Variants in RAB3IP observed in about 807,000 individuals in gnomAD.
The protein encoded by RAB3IP is rab-3A-interacting protein.
RAB3IP carries 36 observed loss-of-function variants against 59.1 expected under a neutral mutation model. The observed-to-expected ratio is 0.61, with a 90% CI of 0.47 to 0.80. The LOEUF is 0.80. Among genes scored for constraint, RAB3IP ranks in the 30% least tolerant of loss-of-function variants. The pLI, the probability that RAB3IP is intolerant of heterozygous loss-of-function variation, is 0.00. For missense variants in RAB3IP, 511 were observed against 536.0 expected (o/e 0.95, Z 0.46); for synonymous variants, 207 against 191.2 (o/e 1.08, Z -0.68).
At chr12:69,747,319 T>C (rs558320670) in intron 1 of RAB3IP, among the ~76,000 whole-genome samples, 2 of 144,568 alleles carry the variant, frequency 1.4e-5, no homozygotes, top group South Asian at 4.5e-4. Context: ...TGTGTGTGTG[T>C]GTGTGTGTGT....
In RAB3IP at chr12:69,823,106, C is replaced by T. The variant is rs187716210; in HGVS notation, c.*7660C>T. 1 of 152,178 alleles carries T rather than the reference C, an allele frequency of 6.6e-6. No homozygotes were observed. The highest frequency in any genetic ancestry group is 1.5e-5 in the Non-Finnish European group (1 of 68,006). The allele number at this position is 152,178 out of a possible 1,614,324, so 9.4% of individuals were successfully genotyped here. A position where few individuals can be genotyped will look rare whatever the true frequency, so the allele number is the denominator to read the frequency against. ...GCTAATTACCCTGATCTGATCACTACACATTATATGTATGGAAATATCATT... is the reference window on the plus strand; with the variant it reads ...GCTAATTACCCTGATCTGATCACTATACATTATATGTATGGAAATATCATT... On this transcript the variant is annotated 3_prime_UTR_variant, in exon 11 of 11. Transcript: ENST00000247833.
rs76525964 is a variant in RAB3IP, at chr12:69,742,423, A to G, written c.-26+3392A>G. On this transcript the variant is annotated intron_variant, in intron 1 of 10. Transcript: ENST00000247833. ...TGTACCAGATGGTACTCTTTTTAAA[A>G]ATTTTATGCTTTTATAATACTGAGT... 1.1e-3 allele frequency among the ~76,000 whole-genome samples: 172 copies of G among 152,226 alleles called. 1 individual carries two copies. In the East Asian group the frequency reaches 0.019, roughly 17 times the overall value.
Position 69,815,880 on chromosome 12 carries a change from C to G in RAB3IP, c.*434C>G, listed in dbSNP as rs1190167668. The G allele has an allele frequency of 6.5e-6, 1 of 152,784 alleles. No individual in the cohort carries two copies. Among genetic ancestry groups the G allele is most frequent in the African/African-American group, 2.4e-5 (1 of 41,450 alleles). The allele number at this position is 152,784 out of a possible 1,614,324, so 9.5% of individuals were successfully genotyped here. On this transcript the variant is annotated 3_prime_UTR_variant, in exon 11 of 11. Transcript: ENST00000247833. The stretch of plus-strand genomic sequence containing the variant: ...TACTCACTTTCCAAGGCCCCCACCT[C>G]TAGAATGGCTTTATTTTTATCTGTT...
At position 69,820,407 on chromosome 12, in the gene RAB3IP, ACTC is replaced by A. The variant is rs1221857840; in HGVS notation, c.*4964_*4966del. ...CAAGCTATTATCATCTTTCACCTGA[ACTC>A]CTGCACTAATGTCTGCTGTCCTTGC... is the stretch of plus-strand genomic sequence containing the variant. On this transcript the variant is annotated 3_prime_UTR_variant, in exon 11 of 11. Transcript: ENST00000247833. 2.0e-5 allele frequency: 3 copies of A among 151,536 alleles called. No homozygotes were observed. The highest frequency in any genetic ancestry group is 2.9e-5 in the Non-Finnish European group (2 of 67,928). 9.4% of individuals were successfully genotyped at this position (151,536 alleles called of 1,614,324 possible).
intron 4 of RAB3IP, among the ~76,000 whole-genome samples, chr12:69,790,205 G>T (rs1416625522): frequency 6.6e-6 from 1 of 152,110 alleles, no homozygotes; most frequent in Non-Finnish European, 1.5e-5. Context: ...ACTAATAAAT[G>T]AATTTGATAG....
chr12:69,809,887 C>T (rs1055383965), intron 8 of RAB3IP, among the ~76,000 whole-genome samples: 1 of 152,156 alleles, frequency 6.6e-6, no homozygotes, highest in Non-Finnish European at 1.5e-5. Flanking sequence ...TGAAGCCTTT[C>T]TCTCTCAACT....
chr12:69,770,788 T>TAC (rs555619794), intron 3 of RAB3IP, among the ~76,000 whole-genome samples: 2 of 152,284 alleles, frequency 1.3e-5, no homozygotes, highest in East Asian at 1.9e-4. Context: ...TATACATATA[T>TAC]ACACACACAC....
rs1157645572 is a variant in RAB3IP at position 69,755,468 on chromosome 12, G to A, written c.60G>A (p.Pro20=). The A allele has an allele frequency of 6.8e-6, 11 of 1,613,880 alleles. No homozygotes were observed. In the East Asian group the frequency reaches 2.2e-4, roughly 33 times the overall value. The stretch of plus-strand genomic sequence containing the variant: ...TAAACCTTGCTTCACCTACTTCTCC[G>A]GACCTTCTTGGTGTGTATGAATCAG... The part of the protein sequence containing the change: ...HEVNLASPTS[P]DLLGVYESGT... The change falls in exon 2 of 11, where the codon CCG becomes CCA. Residue 20 remains proline (P), a synonymous_variant. Transcript: ENST00000247833.
At chr12:69,762,774 A>AAG (rs1871540283) in intron 3 of RAB3IP, among the ~76,000 whole-genome samples, 1 of 149,552 alleles carries the variant, frequency 6.7e-6, no homozygotes, top group Non-Finnish European at 1.5e-5. Flanking sequence ...AAAAAAAAAA[A>AAG]AAAAAGAAAA....
rs1886945190 is a variant in RAB3IP at position 69,738,891 on chromosome 12, G to C, written c.-166G>C. The stretch of plus-strand genomic sequence containing the variant: ...GCAGTCCCGCGTTCCCTCGGCGGCT[G>C]CCGGCGTAGTGAGCCCGCCGCCGTG... On this transcript the variant is annotated 5_prime_UTR_variant, in exon 1 of 11. Transcript: ENST00000247833. 6.6e-6 allele frequency: 1 copy of C among 152,064 alleles called. No homozygotes were observed. Among genetic ancestry groups the C allele is most frequent in the Admixed American group, 6.5e-5 (1 of 15,268 alleles). 9.4% of individuals were successfully genotyped at this position (152,064 alleles called of 1,614,324 possible).
Position 69,822,104 on chromosome 12 carries a change from A to G in RAB3IP, c.*6658A>G, listed in dbSNP as rs1881811220. The G allele has an allele frequency of 1.3e-5, 2 of 152,078 alleles. No individual in the cohort carries two copies. Among genetic ancestry groups the G allele is most frequent in the Non-Finnish European group, 2.9e-5 (2 of 68,038 alleles). 9.4% of individuals were successfully genotyped at this position (152,078 alleles called of 1,614,324 possible). A position where few individuals can be genotyped will look rare whatever the true frequency, so the allele number is the denominator to read the frequency against. On this transcript the variant is annotated 3_prime_UTR_variant, in exon 11 of 11. Transcript: ENST00000247833. Reference sequence around the variant, plus strand: ...ACTCATTTCCGGTGGTCTCCAGGAGACTTGGCTGGGAGCTTCTCTTGGAGT... The same window carrying G: ...ACTCATTTCCGGTGGTCTCCAGGAGGCTTGGCTGGGAGCTTCTCTTGGAGT...
chr12:69,807,479 TC>T lies in RAB3IP; in HGVS notation c.1131-5297del, dbSNP rs1248345922. On this transcript the variant is annotated intron_variant, in intron 8 of 10. Transcript: ENST00000247833. ...AGACAGGACGGCTGGGCAGAGGCGC[TC>T]CTCACTTCCCAGACGACGGGCGGCC... Among the ~76,000 whole-genome samples the T allele has an allele frequency of 6.0e-5, 8 of 133,800 alleles. No individual in the cohort carries two copies. The East Asian group carries it at 7.0e-4, about 12-fold the overall frequency. 87.8% of individuals were successfully genotyped at this position (133,800 alleles called of 152,430 possible).
At chr12:69,808,966 C>T (rs1406277384) in intron 8 of RAB3IP, among the ~76,000 whole-genome samples, 1 of 151,746 alleles carries the variant, frequency 6.6e-6, no homozygotes, top group South Asian at 2.1e-4. Context: ...TTATTTTGCT[C>T]ATTAGTTGAT....
At chr12:69,803,230 A>G (rs999358989) in intron 8 of RAB3IP, among the ~76,000 whole-genome samples, 5 of 152,182 alleles carry the variant, frequency 3.3e-5, no homozygotes, top group Non-Finnish European at 5.9e-5. Context: ...AACAGTTTAC[A>G]AAGTTTAAGG....
intron 3 of RAB3IP, among the ~76,000 whole-genome samples, chr12:69,769,427 G>A (rs1484193011): frequency 6.6e-6 from 1 of 152,184 alleles, no homozygotes; most frequent in African/African-American, 2.4e-5. Context: ...GTGAATCACA[G>A]AGGGAAGTTC....
At chr12:69,767,495 C>T (rs548334200) in intron 3 of RAB3IP, among the ~76,000 whole-genome samples, 4 of 152,370 alleles carry the variant, frequency 2.6e-5, no homozygotes, top group Non-Finnish European at 4.4e-5. Context: ...AGCACAAACA[C>T]CAGTGCTGAC....
At chr12:69,793,997 T>C (rs993079969) in intron 4 of RAB3IP, among the ~76,000 whole-genome samples, 10 of 152,230 alleles carry the variant, frequency 6.6e-5, no homozygotes, top group African/African-American at 1.7e-4. Context: ...CTCTAAGGCT[T>C]CTTAGCTGTC....
chr12:69,787,882 A>G (rs1875955553), intron 4 of RAB3IP, among the ~76,000 whole-genome samples: 1 of 152,170 alleles, frequency 6.6e-6, no homozygotes. Context: ...GTATTTATAA[A>G]TTATACACAC....
chr12:69,739,934 T>G, intron 1 of RAB3IP: 2 of 1,537,288 alleles, frequency 1.3e-6, no homozygotes, highest in Non-Finnish European at 1.8e-6. Context: ...CAATTTAGTT[T>G]CATGGAAATG....
Sources: gnomAD v4.1 joint callset for allele counts (sites outside exome capture counted in the v4.1 genomes callset) on GRCh38, gnomAD v4.1.1 for gene constraint, MANE v1.5 for transcripts, NCBI Gene and HGNC (gene_info 2026-07-23, HGNC 2026-07-21) for gene names.